SUMF1: variants seen among roughly 807,000 people sequenced by gnomAD.
SUMF1 encodes the protein sulfatase modifying factor 1.
SUMF1 carries 48 observed loss-of-function variants against 47.6 expected under a neutral mutation model. The ratio of observed to expected loss-of-function variants is 1.01; its 90% CI spans 0.80 to 1.28. The LOEUF (loss-of-function observed/expected upper bound fraction) is 1.28, where lower values mean the gene tolerates loss of function less well. SUMF1 is among the 50% of genes most tolerant of loss of function. The pLI is 0.00. For synonymous variants in SUMF1, 230 were observed against 192.1 expected (o/e 1.20, Z -1.63); for missense variants, 571 against 485.4 (o/e 1.18, Z -1.66).
At chr3:4,248,992 CATG>C (rs1397622768) in intron 8 of SUMF1, among the ~76,000 whole-genome samples, 3 of 152,184 alleles carry the variant, frequency 2.0e-5, no homozygotes, top group Non-Finnish European at 4.4e-5. Context: ...TGTGCATCTG[CATG>C]ATCTTTCGTC....
At position 4,412,643 on chromosome 3, in the gene SUMF1, G is replaced by A. The variant is rs146023492; in HGVS notation, c.841-1665C>T. On this transcript the variant is annotated intron_variant, in intron 6 of 8. Transcript: ENST00000272902. Reference sequence around the variant, plus strand: ...TCATGCCTGTAATCCTAGCACTTTGGGAGGCCAAGGTGAGCAGATCACCTG... The same window carrying A: ...TCATGCCTGTAATCCTAGCACTTTGAGAGGCCAAGGTGAGCAGATCACCTG... 2.4e-3 allele frequency among the ~76,000 whole-genome samples: 364 copies of A among 152,294 alleles called. 2 individuals carry two copies. The highest frequency in any genetic ancestry group is 8.2e-3 in the African/African-American group (342 of 41,556).
chr3:4,094,578 T>G (rs1411885980), intron 8 of SUMF1, among the ~76,000 whole-genome samples: 7 of 152,072 alleles, frequency 4.6e-5, no homozygotes, highest in Non-Finnish European at 1.0e-4. Context: ...CAGTTTACAC[T>G]ACACAGTCCC....
intron 8 of SUMF1, among the ~76,000 whole-genome samples, chr3:4,164,304 G>A (rs557659978): frequency 6.6e-6 from 1 of 152,160 alleles, no homozygotes. Flanking sequence ...CCAGTGTCCA[G>A]GAGGAAGTCA....
chr3:4,098,075 T>C (rs1692946580), intron 8 of SUMF1, among the ~76,000 whole-genome samples: 2 of 152,116 alleles, frequency 1.3e-5, no homozygotes, highest in South Asian at 4.1e-4. Context: ...CGTATCTTCC[T>C]GTCAGGGTTG....
chr3:4,230,871 C>A (rs955685615), intron 8 of SUMF1, among the ~76,000 whole-genome samples: 1 of 152,096 alleles, frequency 6.6e-6, no homozygotes, highest in Non-Finnish European at 1.5e-5. Context: ...GTACAAGAAA[C>A]TGGGGACCAA....
intron 7 of SUMF1, among the ~76,000 whole-genome samples, chr3:4,405,522 G>A (rs1423299295): frequency 2.0e-5 from 3 of 152,168 alleles, no homozygotes; most frequent in Admixed American, 2.0e-4. Context: ...GGGTAGCTGG[G>A]ACTACAGGCA....
chr3:4,064,451 T>C (rs1405094783), intron 9 of SUMF1, among the ~76,000 whole-genome samples: 1 of 152,138 alleles, frequency 6.6e-6, no homozygotes, highest in Non-Finnish European at 1.5e-5. Flanking sequence ...GGAAAACTCA[T>C]GAATAAGCCA....
At chr3:4,298,979 C>G (rs1028101574) in intron 8 of SUMF1, among the ~76,000 whole-genome samples, 9 of 152,194 alleles carry the variant, frequency 5.9e-5, no homozygotes, top group African/African-American at 2.2e-4. Context: ...CATTCATGAT[C>G]TCCCCTGCTA....
At chr3:4,204,623 C>G (rs533606990) in intron 8 of SUMF1, among the ~76,000 whole-genome samples, 1 of 152,170 alleles carries the variant, frequency 6.6e-6, no homozygotes, top group South Asian at 2.1e-4. Flanking sequence ...TAGATTTGCC[C>G]TTTTGAGGCT....
intron 8 of SUMF1, among the ~76,000 whole-genome samples, chr3:4,121,542 T>C (rs977862100): frequency 5.3e-5 from 8 of 152,122 alleles, no homozygotes; most frequent in Non-Finnish European, 8.8e-5. Flanking sequence ...AGAACCACCA[T>C]TGAGGCTCCT....
intron 1 of SUMF1, among the ~76,000 whole-genome samples, chr3:4,456,583 C>T (rs1045870041): frequency 6.9e-6 from 1 of 144,340 alleles, no homozygotes; most frequent in African/African-American, 2.5e-5. Context: ...TCCTGAGTAG[C>T]TGGGAGTACA....
intron 8 of SUMF1, among the ~76,000 whole-genome samples, chr3:4,217,306 T>A (rs1325006587): frequency 4.0e-5 from 6 of 148,910 alleles, no homozygotes; most frequent in Non-Finnish European, 7.4e-5. Context: ...TAAATGGGAG[T>A]TGAACAATGA....
chr3:4,100,492 T>A (rs1693008443), intron 8 of SUMF1, among the ~76,000 whole-genome samples: 1 of 151,996 alleles, frequency 6.6e-6, no homozygotes, highest in East Asian at 1.9e-4. Flanking sequence ...AAAATTTAAA[T>A]GTCCTTCATC....
intron 8 of SUMF1, among the ~76,000 whole-genome samples, chr3:4,070,883 G>A (rs902716562): frequency 2.6e-5 from 4 of 151,858 alleles, no homozygotes; most frequent in African/African-American, 4.8e-5. Context: ...CACCCACCTC[G>A]GCCTCCCAAA....
rs768700845 is a variant in SUMF1, at chr3:4,418,028, C to T, written c.707G>A (p.Arg236Gln). ...PTEAEWEYSCRGGLHNRLFPW... is the reference protein window; with the variant it reads ...PTEAEWEYSCQGGLHNRLFPW... ...TAAATACCTATTATGCAGGCCTCCT[C>T]GACAGCTGTATTCCCACTCAGCTTC... The change falls in exon 5 of 9, where the codon CGA (arginine) becomes CAA (glutamine). Residue 236 changes from arginine (R) to glutamine (Q), a missense_variant. Physicochemically the swap from Arg to Gln is conservative, Grantham distance 43. Transcript: ENST00000272902. The T allele has an allele frequency of 2.2e-5, 36 of 1,613,872 alleles. No individual in the cohort carries two copies. Among genetic ancestry groups the T allele is most frequent in the South Asian group, 1.9e-4 (17 of 91,076 alleles).
chr3:4,182,413 TTTA>T (rs1308900454), intron 8 of SUMF1, among the ~76,000 whole-genome samples: 2 of 148,642 alleles, frequency 1.3e-5, no homozygotes, highest in East Asian at 1.9e-4. Context: ...TTTATATTAT[TTTA>T]TTATTATATT....
chr3:4,442,416 C>T (rs888667471), intron 3 of SUMF1, among the ~76,000 whole-genome samples: 3 of 42,586 alleles, frequency 7.0e-5, no homozygotes, highest in South Asian at 1.0e-3. Flanking sequence ...ACACCACGCC[C>T]GGCTAATTTT....
intron 8 of SUMF1, among the ~76,000 whole-genome samples, chr3:4,253,695 G>A (rs1431304751): frequency 4.6e-5 from 7 of 150,644 alleles, no homozygotes; most frequent in South Asian, 4.2e-4. Context: ...AGGGGCGCCC[G>A]CCATTGGCCA....
At chr3:4,153,370 C>T (rs1009696946) in intron 8 of SUMF1, among the ~76,000 whole-genome samples, 1 of 151,246 alleles carries the variant, frequency 6.6e-6, no homozygotes, top group African/African-American at 2.5e-5. Flanking sequence ...GCCACTATGC[C>T]GAGCTAATTT....
Sources: gnomAD v4.1 joint callset for allele counts (sites outside exome capture counted in the v4.1 genomes callset) on GRCh38, gnomAD v4.1.1 for gene constraint, MANE v1.5 for transcripts, NCBI Gene and HGNC (gene_info 2026-07-23, HGNC 2026-07-21) for gene names.